The following RABL2A variants were observed in gnomAD, a reference collection of about 807,000 sequenced individuals.
RABL2A encodes RAB, member of RAS oncogene family like 2A.
A neutral mutation model predicts 30.7 loss-of-function variants in RABL2A; 17 were observed. That is an observed-to-expected ratio of 0.55 (90% CI 0.38 to 0.83). The LOEUF is 0.83. RABL2A is among the 40% of genes least tolerant of loss of function. The pLI, the probability that RABL2A is intolerant of heterozygous loss-of-function variation, is 0.00. For synonymous variants in RABL2A, 64 were observed against 101.8 expected (o/e 0.63, Z 2.24); for missense variants, 155 against 272.6 (o/e 0.57, Z 3.04).
In RABL2A at chr2:113,627,284, G is replaced by C. The variant is rs532478431; in HGVS notation, c.-170G>C. ...GCGAGCCGGAAGTGGAGTGCGCTGCGGTGCGAGCTGGGCCGGCGGGGTGGT... is the reference window on the plus strand; with the variant it reads ...GCGAGCCGGAAGTGGAGTGCGCTGCCGTGCGAGCTGGGCCGGCGGGGTGGT... On this transcript the variant is annotated 5_prime_UTR_variant, in exon 1 of 9. Transcript: ENST00000683472. 3 of 131,388 alleles carry C rather than the reference G, an allele frequency of 2.3e-5. No homozygotes were observed. The highest frequency in any genetic ancestry group is 2.4e-4 in the South Asian group (1 of 4,102). The allele number at this position is 131,388 out of a possible 1,614,324, so 8.1% of individuals were successfully genotyped here.
chr2:113,643,311 C>T lies in RABL2A; in HGVS notation c.*1182C>T, dbSNP rs533375105. The T allele has an allele frequency of 8.7e-5, 30 of 343,036 alleles. No homozygotes were observed. Among genetic ancestry groups the T allele is most frequent in the South Asian group, 5.2e-4 (24 of 46,430 alleles). The allele number at this position is 343,036 out of a possible 1,614,324, so 21.2% of individuals were successfully genotyped here. On this transcript the variant is annotated 3_prime_UTR_variant, in exon 9 of 9. Coordinates refer to ENST00000683472, the MANE Select transcript of RABL2A (RefSeq NM_001306158.2). ...TGCTAGTATGTTTTTATGATAATCT[C>T]GGGCATTGTTTGCATTGTGTTTATT...
At chr2:113,640,110 G>A (rs1315876628) in intron 5 of RABL2A, 2 of 151,818 alleles carry the variant, frequency 1.3e-5, no homozygotes, top group African/African-American at 2.4e-5. Flanking sequence ...TTGAGCCACT[G>A]CATTCTAGCC....
At chr2:113,638,819 G>A (rs1559198428) in intron 5 of RABL2A, among the ~76,000 whole-genome samples, 2 of 151,994 alleles carry the variant, frequency 1.3e-5, no homozygotes, top group Non-Finnish European at 2.9e-5. Flanking sequence ...CCAGGAGGTG[G>A]AGGTTGCAGT....
chr2:113,634,311 T>C, intron 4 of RABL2A, 79 bp downstream of exon 4: 1 of 1,551,736 alleles, frequency 6.4e-7, no homozygotes, highest in Non-Finnish European at 8.7e-7. Flanking sequence ...GCAAGGTTCA[T>C]AAGGAGAGAG....
intron 2 of RABL2A, among the ~76,000 whole-genome samples, chr2:113,631,184 C>T (rs190275770): frequency 3.9e-5 from 6 of 152,234 alleles, no homozygotes; most frequent in Non-Finnish European, 5.9e-5. Flanking sequence ...TGTGAGCCAC[C>T]GCACCCAGCC....
Position 113,642,069 on chromosome 2 carries a change from C to G in RABL2A, c.630C>G (p.Asp210Glu). 6.2e-7 allele frequency: 1 copy of G among 1,613,292 alleles called. No individual in the cohort carries two copies. Among genetic ancestry groups the G allele is most frequent in the Non-Finnish European group, 8.5e-7 (1 of 1,179,784 alleles). The change falls in exon 9 of 9, where the codon GAC becomes GAG. Residue 210 changes from aspartate to glutamate, a missense_variant. Coordinates refer to ENST00000683472, the MANE Select transcript of RABL2A (RefSeq NM_001306158.2). ...SLEQEEEDVP[D>E]QEQSSSIETP... ...AGCAGGAAGAGGAGGACGTGCCAGA[C>G]CAGGAACAGAGCAGCAGCATCGAGA...
intron 5 of RABL2A, chr2:113,637,935 G>A: frequency 1.0e-6 from 1 of 985,390 alleles, no homozygotes; most frequent in Non-Finnish European, 1.2e-6. Context: ...CTGCTGCACG[G>A]GCCCTGGCAA....
chr2:113,641,213 T>G, intron 6 of RABL2A, 140 bp from the exon 7 acceptor site: 3 of 1,418,304 alleles, frequency 2.1e-6, no homozygotes, highest in Non-Finnish European at 2.9e-6. Context: ...CACAGATCCC[T>G]ATTAACTGAG....
chr2:113,630,530 G>A (rs1036831850), intron 2 of RABL2A, among the ~76,000 whole-genome samples: 5 of 151,992 alleles, frequency 3.3e-5, no homozygotes, highest in Admixed American at 1.3e-4. Flanking sequence ...AGTTGTACAC[G>A]GCCTCATTTC....
intron 5 of RABL2A, chr2:113,638,323 T>A (rs1184894603): frequency 9.1e-6 from 9 of 985,316 alleles, no homozygotes; most frequent in Admixed American, 1.2e-4. Context: ...AGCCCTGAGC[T>A]TGAACCATGT....
chr2:113,641,131 C>G (rs921317360), intron 6 of RABL2A, 126 bp downstream of exon 6: 1 of 1,024,482 alleles, frequency 9.8e-7, no homozygotes, highest in African/African-American at 1.6e-5. Context: ...AAGATACAAC[C>G]CTTGGTTGGT....
intron 2 of RABL2A, among the ~76,000 whole-genome samples, chr2:113,629,477 GTC>G (rs141881303): frequency 2.0e-3 from 297 of 147,720 alleles, no homozygotes; most frequent in African/African-American, 1.9e-3. Flanking sequence ...TGAATTCTCT[GTC>G]TCTCTCTCTC....
At chr2:113,635,743 C>A (rs1371695836) in intron 5 of RABL2A, among the ~76,000 whole-genome samples, 2 of 152,232 alleles carry the variant, frequency 1.3e-5, no homozygotes, top group Non-Finnish European at 2.9e-5. Context: ...CGTGAATTCC[C>A]TGGCTGCGTT....
chr2:113,637,001 AAAAT>A (rs1559181205), intron 5 of RABL2A, among the ~76,000 whole-genome samples: 3 of 144,400 alleles, frequency 2.1e-5, no homozygotes, highest in African/African-American at 2.5e-5. Flanking sequence ...AAAAAATAAA[AAAAT>A]AAAAAAATAA....
intron 5 of RABL2A, 176 bp from the exon 6 acceptor site, chr2:113,640,718 C>T: frequency 1.3e-6 from 1 of 776,750 alleles, no homozygotes; most frequent in Non-Finnish European, 2.0e-6. Context: ...CTGGAGGCTC[C>T]AGGGGGCTTC....
chr2:113,638,070 T>C, intron 5 of RABL2A: 1 of 985,390 alleles, frequency 1.0e-6, no homozygotes, highest in African/African-American at 1.7e-5. Flanking sequence ...CCTCCTCAGC[T>C]CTCAAAACAA....
intron 5 of RABL2A, among the ~76,000 whole-genome samples, chr2:113,639,001 GGCCGGGCACAGTGGCTTAT>G (rs1458742873): frequency 6.6e-6 from 1 of 152,230 alleles, no homozygotes; most frequent in East Asian, 1.9e-4. Flanking sequence ...AATTTAAAGA[GGCCGGGCACAGTGGCTTAT>G]GCCTGTAATC....
chr2:113,635,732 C>A (rs539590562), intron 5 of RABL2A, among the ~76,000 whole-genome samples: 35 of 152,328 alleles, frequency 2.3e-4, no homozygotes, highest in Admixed American at 5.9e-4. Context: ...AAGTTCCTAC[C>A]CGTGAATTCC....
At position 113,640,694 on chromosome 2, in the gene RABL2A, A is replaced by C; in HGVS notation, c.298-200A>C. 1.3e-5 allele frequency: 8 copies of C among 619,314 alleles called. No homozygotes were observed. In the South Asian group the frequency reaches 1.4e-4, roughly 11 times the overall value. 38.4% of individuals were successfully genotyped at this position (619,314 alleles called of 1,614,324 possible). A position where few individuals can be genotyped will look rare whatever the true frequency, so the allele number is the denominator to read the frequency against. ...ACTGGGCCAAGAATAAGATTTTTAA[A>C]AACATTTTCGCATCTGGAGGCTCCA... is the stretch of plus-strand genomic sequence containing the variant. On this transcript the variant is annotated intron_variant, in intron 5 of 8. Coordinates refer to ENST00000683472, the MANE Select transcript of RABL2A (RefSeq NM_001306158.2).
Sources: gnomAD v4.1 joint callset for allele counts (sites outside exome capture counted in the v4.1 genomes callset) on GRCh38, gnomAD v4.1.1 for gene constraint, MANE v1.5 for transcripts, NCBI Gene and HGNC (gene_info 2026-07-23, HGNC 2026-07-21) for gene names.